Variants in SAMD3 observed in about 807,000 individuals in gnomAD.
The protein encoded by SAMD3 is sterile alpha motif domain-containing protein 3.
SAMD3 carries 63 observed loss-of-function variants against 58.5 expected under a neutral mutation model. The observed-to-expected ratio is 1.08, with a 90% CI of 0.88 to 1.33. The LOEUF is 1.33. Ranked by LOEUF, SAMD3 falls within the 40% of genes most tolerant of loss-of-function variation. The pLI is 0.00. For synonymous variants in SAMD3, 220 were observed against 210.3 expected, an observed-to-expected ratio of 1.05 and a Z score of -0.40; for missense variants, 604 against 608.4, an observed-to-expected ratio of 0.99 and a Z score of 0.08.
intron 2 of SAMD3, among the ~76,000 whole-genome samples, chr6:130,253,914 CT>C (rs1773834147): frequency 6.6e-6 from 1 of 151,956 alleles, no homozygotes; most frequent in Non-Finnish European, 1.5e-5. Flanking sequence ...TCTCCTGTTA[CT>C]GTATTGCTCA....
At chr6:130,196,171 G>A (rs1000831860) in intron 5 of SAMD3, among the ~76,000 whole-genome samples, 13 of 152,088 alleles carry the variant, frequency 8.5e-5, no homozygotes, top group East Asian at 1.9e-4. Flanking sequence ...TCATGTCTCC[G>A]TGCAGTGGCT....
At chr6:130,207,206 G>C (rs1795166406) in intron 5 of SAMD3, among the ~76,000 whole-genome samples, 1 of 150,292 alleles carries the variant, frequency 6.7e-6, no homozygotes, top group Non-Finnish European at 1.5e-5. Flanking sequence ...AAGACCTACA[G>C]GTATAGAAGG....
chr6:130,182,078 A>AC (rs996317225), intron 7 of SAMD3, among the ~76,000 whole-genome samples: 1 of 151,582 alleles, frequency 6.6e-6, no homozygotes, highest in African/African-American at 2.4e-5. Context: ...AAAAAAAAAA[A>AC]AAAAAAAAAC....
chr6:130,284,693 G>A (rs1472142573), intron 2 of SAMD3, among the ~76,000 whole-genome samples: 2 of 152,000 alleles, frequency 1.3e-5, no homozygotes, highest in Non-Finnish European at 2.9e-5. Context: ...AAGTTGACCA[G>A]GTAAATAATC....
chr6:130,299,744 T>C (rs1383522462), intron 2 of SAMD3, among the ~76,000 whole-genome samples: 1 of 152,050 alleles, frequency 6.6e-6, no homozygotes, highest in Non-Finnish European at 1.5e-5. Flanking sequence ...ATTGTGCAAA[T>C]AACCACATTC....
intron 2 of SAMD3, among the ~76,000 whole-genome samples, chr6:130,304,144 C>T (rs999623292): frequency 2.0e-5 from 3 of 152,132 alleles, no homozygotes; most frequent in Non-Finnish European, 4.4e-5. Flanking sequence ...TTTTCTTACA[C>T]GGTTAAACAA....
intron 1 of SAMD3, among the ~76,000 whole-genome samples, chr6:130,352,306 T>G (rs1247333557): frequency 6.6e-6 from 1 of 152,142 alleles, no homozygotes; most frequent in Non-Finnish European, 1.5e-5. Context: ...ATCAAGATAT[T>G]AAGACTTTAT....
intron 1 of SAMD3, among the ~76,000 whole-genome samples, chr6:130,321,486 T>C (rs1479294039): frequency 3.3e-5 from 5 of 152,194 alleles, no homozygotes; most frequent in South Asian, 2.1e-4. Flanking sequence ...TGTTTGTTAT[T>C]TTAAGCTGCT....
chr6:130,357,902 T>A (rs570510204), intron 1 of SAMD3, among the ~76,000 whole-genome samples: 1 of 152,204 alleles, frequency 6.6e-6, no homozygotes. Flanking sequence ...TTTAAGTAAG[T>A]AATGAGGACA....
In SAMD3 at chr6:130,154,980, A is replaced by C; in HGVS notation, c.868T>G (p.Trp290Gly). ...FDSELDEHIK[W>G]FQQEYVKTEK... ...GTTTTCACGTATTCTTGCTGGAACC[A>C]CTTAATATGTTCATCTAGCTCAGAA... Residue 290 changes from tryptophan to glycine, a missense_variant, in exon 9 of 12, where the codon TGG becomes GGG. Transcript: ENST00000439090. 6.2e-7 allele frequency: 1 copy of C among 1,613,378 alleles called. No homozygotes were observed. The highest frequency in any genetic ancestry group is 8.5e-7 in the Non-Finnish European group (1 of 1,179,662).
intron 5 of SAMD3, among the ~76,000 whole-genome samples, chr6:130,209,042 G>C (rs1024310221): frequency 6.6e-6 from 1 of 152,132 alleles, no homozygotes; most frequent in African/African-American, 2.4e-5. Flanking sequence ...TAGGAACATA[G>C]AGAAAATGTT....
At chr6:130,227,174 C>T (rs2114872726), upstream of SAMD3, among the ~76,000 whole-genome samples, 1 of 152,264 alleles carries the variant, frequency 6.6e-6, no homozygotes, top group South Asian at 2.1e-4. Flanking sequence ...CTTTCTATCT[C>T]CATGAATTTG....
chr6:130,357,667 T>G (rs1399809494), intron 1 of SAMD3, among the ~76,000 whole-genome samples: 1 of 152,218 alleles, frequency 6.6e-6, no homozygotes, highest in African/African-American at 2.4e-5. Context: ...CTTGGCAAGT[T>G]AAACTCTCGG....
intron 7 of SAMD3, among the ~76,000 whole-genome samples, chr6:130,176,365 T>C (rs1791726905): frequency 6.6e-6 from 1 of 152,224 alleles, no homozygotes; most frequent in South Asian, 2.1e-4. Flanking sequence ...ATTCCATTTT[T>C]CTAGTGGGTT....
At chr6:130,266,797 C>T (rs1774373872) in intron 2 of SAMD3, among the ~76,000 whole-genome samples, 1 of 152,182 alleles carries the variant, frequency 6.6e-6, no homozygotes, top group South Asian at 2.1e-4. Flanking sequence ...GCTTCCCTGC[C>T]TATGCTTCTT....
At chr6:130,203,699 G>A (rs1289696050) in intron 5 of SAMD3, among the ~76,000 whole-genome samples, 4 of 152,218 alleles carry the variant, frequency 2.6e-5, no homozygotes. Context: ...GTCAGGGACT[G>A]CACAGATGAA....
chr6:130,190,202 A>G (rs988192163), intron 5 of SAMD3, among the ~76,000 whole-genome samples: 4 of 152,202 alleles, frequency 2.6e-5, no homozygotes, highest in African/African-American at 7.2e-5. Flanking sequence ...ACGTGAGTCC[A>G]ACCAATTTTG....
intron 1 of SAMD3, among the ~76,000 whole-genome samples, chr6:130,221,044 C>G (rs879410191): frequency 6.6e-6 from 1 of 151,662 alleles, no homozygotes; most frequent in East Asian, 1.9e-4. Context: ...TTAGTAGAGA[C>G]GGGGTTTCAC....
chr6:130,201,657 A>T (rs965812298), intron 5 of SAMD3, among the ~76,000 whole-genome samples: 5 of 152,194 alleles, frequency 3.3e-5, no homozygotes, highest in African/African-American at 1.2e-4. Flanking sequence ...CATTTACAGC[A>T]ACTCCATCTT....
Sources: allele counts gnomAD v4.1 joint callset (sites outside exome capture counted in the v4.1 genomes callset), GRCh38; gene constraint gnomAD v4.1.1; transcripts MANE v1.5; gene names NCBI Gene and HGNC (gene_info 2026-07-23, HGNC 2026-07-21).